CHCHD3: variants seen among roughly 807,000 people sequenced by gnomAD.
The protein encoded by CHCHD3 is MICOS complex subunit MIC19.
CHCHD3 carries 20 observed loss-of-function variants against 38.2 expected under a neutral mutation model. The observed-to-expected ratio is 0.52, with a 90% confidence interval of 0.37 to 0.76. The LOEUF (loss-of-function observed/expected upper bound fraction) is 0.76. CHCHD3 is among the 30% of genes least tolerant of loss of function. CHCHD3 has a pLI of 0.00. For synonymous variants in CHCHD3, 82 were observed against 100.0 expected (o/e 0.82, Z 1.07); for missense variants, 245 against 279.2 (o/e 0.88, Z 0.87).
intron 2 of CHCHD3, among the ~76,000 whole-genome samples, chr7:133,059,905 G>A (rs770539810): frequency 2.4e-4 from 37 of 152,076 alleles, no homozygotes; most frequent in South Asian, 1.4e-3. Flanking sequence ...TTTATAATAC[G>A]GTCACTGTGG....
At chr7:133,028,537 G>A (rs1421874573) in intron 2 of CHCHD3, among the ~76,000 whole-genome samples, 1 of 152,070 alleles carries the variant, frequency 6.6e-6, no homozygotes, top group South Asian at 2.1e-4. Flanking sequence ...GTTCATGAAT[G>A]GGTTAATCCA....
At chr7:133,026,610 G>C (rs942642164) in intron 2 of CHCHD3, among the ~76,000 whole-genome samples, 2 of 152,106 alleles carry the variant, frequency 1.3e-5, no homozygotes, top group Non-Finnish European at 2.9e-5. Flanking sequence ...ACATCCCAAA[G>C]CTAAACACAA....
At chr7:133,045,221 T>C (rs12707077) in intron 2 of CHCHD3, among the ~76,000 whole-genome samples, 58,729 of 152,056 alleles carry the variant, frequency 0.39, 11,548 homozygotes, top group East Asian at 0.55. Context: ...TAGGTAAGGA[T>C]GGAAGCAACT....
At chr7:132,844,604 A>G (rs2117105491) in intron 5 of CHCHD3, among the ~76,000 whole-genome samples, 1 of 152,326 alleles carries the variant, frequency 6.6e-6, no homozygotes, top group African/African-American at 2.4e-5. Context: ...TTCTTTCTTT[A>G]AAACAGAAAG....
intron 2 of CHCHD3, among the ~76,000 whole-genome samples, chr7:133,040,047 T>G (rs569983849): frequency 2.0e-5 from 3 of 152,220 alleles, no homozygotes; most frequent in Non-Finnish European, 4.4e-5. Flanking sequence ...ATTAGAACAG[T>G]GGAACCTATA....
At chr7:132,859,030 T>C (rs1359762462) in intron 5 of CHCHD3, among the ~76,000 whole-genome samples, 1 of 152,160 alleles carries the variant, frequency 6.6e-6, no homozygotes, top group Non-Finnish European at 1.5e-5. Flanking sequence ...AGAGGTAATA[T>C]GCTTAACAGC....
intron 4 of CHCHD3, among the ~76,000 whole-genome samples, chr7:132,964,630 G>A (rs1459026363): frequency 2.0e-5 from 3 of 152,134 alleles, no homozygotes; most frequent in African/African-American, 7.2e-5. Context: ...ATTCCTTTGA[G>A]GCCAAGGGAA....
intron 4 of CHCHD3, among the ~76,000 whole-genome samples, chr7:132,905,712 G>T (rs1377611234): frequency 6.6e-6 from 1 of 152,028 alleles, no homozygotes; most frequent in Non-Finnish European, 1.5e-5. Context: ...CCCCACTCCT[G>T]CCACCACATA....
intron 5 of CHCHD3, among the ~76,000 whole-genome samples, chr7:132,842,097 C>T (rs919954365): frequency 6.6e-5 from 10 of 150,718 alleles, no homozygotes; most frequent in Middle Eastern, 3.2e-3. Flanking sequence ...GACTCCATCT[C>T]GAGAAAAAAA....
chr7:133,030,989 A>T (rs1266588342), intron 2 of CHCHD3, among the ~76,000 whole-genome samples: 2 of 152,148 alleles, frequency 1.3e-5, no homozygotes, highest in African/African-American at 4.8e-5. Context: ...ATTCTAAACA[A>T]ATGCTTTGGC....
intron 5 of CHCHD3, among the ~76,000 whole-genome samples, chr7:132,857,225 T>C (rs199775610): frequency 6.6e-6 from 1 of 152,216 alleles, no homozygotes; most frequent in Non-Finnish European, 1.5e-5. Context: ...AGAGAGGCTG[T>C]CTTATTAAAT....
intron 4 of CHCHD3, among the ~76,000 whole-genome samples, chr7:132,956,685 T>C (rs1330085683): frequency 1.3e-5 from 2 of 152,202 alleles, no homozygotes; most frequent in Non-Finnish European, 2.9e-5. Context: ...AGATATTTAC[T>C]CACTATCTCA....
intron 1 of CHCHD3, among the ~76,000 whole-genome samples, chr7:133,073,900 C>T (rs537845250): frequency 3.9e-5 from 6 of 152,302 alleles, no homozygotes; most frequent in South Asian, 2.1e-4. Flanking sequence ...TCCTGTTCTA[C>T]GTCCATCTCC....
chr7:132,957,572 T>C (rs1322072054), intron 4 of CHCHD3, among the ~76,000 whole-genome samples: 2 of 152,140 alleles, frequency 1.3e-5, no homozygotes, highest in East Asian at 3.9e-4. Flanking sequence ...AACCTCTGCT[T>C]CCTGAGTTCA....
chr7:132,972,449 G>A (rs1322727706), intron 4 of CHCHD3: 1 of 478,786 alleles, frequency 2.1e-6, no homozygotes, highest in East Asian at 1.5e-4. Context: ...AAACCAAAAT[G>A]TTAACAGTAA....
chr7:132,896,949 G>A (rs1402533408), intron 4 of CHCHD3, among the ~76,000 whole-genome samples: 1 of 152,178 alleles, frequency 6.6e-6, no homozygotes, highest in Non-Finnish European at 1.5e-5. Context: ...GCAGGAAGGG[G>A]TTTTTACTAT....
At chr7:133,044,986 A>G (rs1813941827) in intron 2 of CHCHD3, among the ~76,000 whole-genome samples, 1 of 152,252 alleles carries the variant, frequency 6.6e-6, no homozygotes, top group African/African-American at 2.4e-5. Flanking sequence ...GGAGCATGGC[A>G]ACCCTGCTGA....
chr7:132,870,054 A>G (rs1017231825), intron 5 of CHCHD3, among the ~76,000 whole-genome samples: 6 of 152,110 alleles, frequency 3.9e-5, no homozygotes, highest in African/African-American at 1.4e-4. Flanking sequence ...TAACATTTCA[A>G]TATAACAAAA....
chr7:132,810,637 A>C (rs1274461900), intron 6 of CHCHD3, among the ~76,000 whole-genome samples: 1 of 152,220 alleles, frequency 6.6e-6, no homozygotes, highest in African/African-American at 2.4e-5. Context: ...CAGAGGTGGA[A>C]TCTCAATGAT....
Sources: allele counts gnomAD v4.1 joint callset (sites outside exome capture counted in the v4.1 genomes callset), GRCh38; gene constraint gnomAD v4.1.1; transcripts MANE v1.5; gene names NCBI Gene and HGNC (gene_info 2026-07-23, HGNC 2026-07-21).